The following FUBP1 variants were observed in gnomAD, a reference collection of about 807,000 sequenced individuals.
FUBP1 encodes the protein far upstream element binding protein 1.
A neutral mutation model predicts 94.9 loss-of-function variants in FUBP1; 16 were observed. That is an observed-to-expected ratio of 0.17 (90% confidence interval 0.11 to 0.26). FUBP1 has a LOEUF of 0.26. Among genes scored for constraint, FUBP1 ranks in the 10% least tolerant of loss-of-function variants. The pLI, the probability that FUBP1 is intolerant of heterozygous loss-of-function variation, is 1.00. For synonymous variants in FUBP1, 279 were observed against 254.9 expected (o/e 1.09, Z -0.90); for missense variants, 583 against 808.6 (o/e 0.72, Z 3.38).
At chr1:77,949,427 T>G in intron 18 of FUBP1, 127 bp from the exon 19 acceptor site, 1 of 696,014 alleles carries the variant, frequency 1.4e-6, no homozygotes, top group Admixed American at 3.0e-5. Flanking sequence ...GTGTTTGCCC[T>G]TGTTGACCAA....
chr1:77,961,717 T>G (rs968661385), intron 14 of FUBP1, among the ~76,000 whole-genome samples: 4 of 152,216 alleles, frequency 2.6e-5, no homozygotes, highest in African/African-American at 9.6e-5. Flanking sequence ...ATCTATCTTG[T>G]TTTTCCATGA....
intron 19 of FUBP1, 95 bp downstream of exon 19, chr1:77,949,060 A>C (rs919116401): frequency 7.3e-6 from 9 of 1,233,316 alleles, no homozygotes; most frequent in Admixed American, 2.0e-5. Context: ...TTGCCAGATA[A>C]AAATTTAAAA....
chr1:77,962,714 AT>A (rs974633365), intron 14 of FUBP1, 55 bp downstream of exon 14: 4 of 1,122,668 alleles, frequency 3.6e-6, no homozygotes, highest in East Asian at 2.4e-5. Flanking sequence ...AAACGTCTTA[AT>A]TTAACTACAG....
rs1652431233 is a variant in FUBP1, at chr1:77,947,639, A to G, written c.*1127T>C. On this transcript the variant is annotated 3_prime_UTR_variant, in exon 20 of 20. Coordinates refer to ENST00000370768, the MANE Select transcript of FUBP1 (RefSeq NM_003902.5). ...AGAGCCAACAAATATGCAAAGAGTA[A>G]AACAATGGATTTCAACAAAATATCA... is the stretch of plus-strand genomic sequence containing the variant. The G allele has an allele frequency of 5.3e-5, 44 of 832,884 alleles. No homozygotes were observed. The South Asian group carries it at 6.2e-4, about 12-fold the overall frequency. 51.6% of individuals were successfully genotyped at this position (832,884 alleles called of 1,614,324 possible). A position where few individuals can be genotyped will look rare whatever the true frequency, so the allele number is the denominator to read the frequency against.
rs1449528983 is a variant in FUBP1 at position 77,960,246 on chromosome 1, T to C, written c.1514A>G (p.Tyr505Cys). The change falls in exon 16 of 20, where the codon TAT becomes TGT. Residue 505 changes from tyrosine (Y) to cysteine (C), a missense_variant. Physicochemically the swap from Tyr to Cys is radical, Grantham distance 194. Coordinates refer to ENST00000370768, the MANE Select transcript of FUBP1 (RefSeq NM_003902.5). ...GPAPHGPPAP[Y>C]APQGWGNAYP... ...TGCATTTCCCCATCCCTGGGGAGCA[T>C]ATGGGGCTGGAGGACCACTGAAAAG... 2.5e-6 allele frequency: 4 copies of C among 1,612,482 alleles called. No individual in the cohort carries two copies. Among genetic ancestry groups the C allele is most frequent in the African/African-American group, 1.3e-5 (1 of 74,834 alleles).
At chr1:77,951,470 T>C (rs1221750499) in intron 18 of FUBP1, among the ~76,000 whole-genome samples, 3 of 152,202 alleles carry the variant, frequency 2.0e-5, no homozygotes, top group South Asian at 2.1e-4. Context: ...CAGTTGGAAG[T>C]AGAGAAAGAA....
At chr1:77,978,289 A>G (rs1016361020) in intron 1 of FUBP1, among the ~76,000 whole-genome samples, 1 of 152,246 alleles carries the variant, frequency 6.6e-6, no homozygotes, top group African/African-American at 2.4e-5. Flanking sequence ...CCTCTGGTAT[A>G]ATGGGCCTGA....
intron 7 of FUBP1, among the ~76,000 whole-genome samples, chr1:77,965,719 A>T (rs964722249): frequency 6.6e-6 from 1 of 152,250 alleles, no homozygotes; most frequent in Admixed American, 6.5e-5. Context: ...TAAAAATAAC[A>T]TGTCAAATGA....
In FUBP1 at chr1:77,956,693, T is replaced by C; in HGVS notation, c.1584A>G (p.Ala528=). The C allele has an allele frequency of 5.0e-6, 8 of 1,611,718 alleles. No individual in the cohort carries two copies. Among genetic ancestry groups the C allele is most frequent in the South Asian group, 1.1e-5 (1 of 90,976 alleles). The change falls in exon 17 of 20, where the codon GCA becomes GCG. Residue 528 remains alanine, a synonymous_variant. Coordinates refer to ENST00000370768, the MANE Select transcript of FUBP1 (RefSeq NM_003902.5). ...AAGCTGCTGAATTTGGATCCGTTCC[T>C]GCCTTAGCTAAAATAAATGAAAGTT... ...QQQAPPDPAK[A]GTDPNSAAWA...
rs964239033 is a variant in FUBP1, at chr1:77,967,618, T to A, written c.290+9A>T. On this transcript the variant is annotated intron_variant, in intron 4 of 19. Transcript: ENST00000370768. ...TGCAGAGTACTTTTTGAAAATCTTG[T>A]GACTATACCTTTGCTGCTGATGCAT... The A allele has an allele frequency of 7.6e-6, 12 of 1,588,196 alleles. No individual in the cohort carries two copies. Among genetic ancestry groups the A allele is most frequent in the Middle Eastern group, 1.7e-4 (1 of 6,002 alleles).
chr1:77,949,429 G>T, intron 18 of FUBP1, 129 bp from the exon 19 acceptor site: 4 of 648,996 alleles, frequency 6.2e-6, no homozygotes, highest in African/African-American at 1.9e-5. Flanking sequence ...GTTTGCCCTT[G>T]TTGACCAAAA....
At chr1:77,962,747 T>C (rs550409158) in intron 14 of FUBP1, 23 bp downstream of exon 14, 23 of 1,566,008 alleles carry the variant, frequency 1.5e-5, no homozygotes, top group Non-Finnish European at 1.8e-5. Flanking sequence ...ACACTAAAAA[T>C]TAAAAGTTTA....
In FUBP1 at chr1:77,945,279, T is replaced by C. The variant is rs1276244778; in HGVS notation, c.*3487A>G. Among the ~76,000 whole-genome samples the C allele has an allele frequency of 2.6e-5, 4 of 152,008 alleles. No individual in the cohort carries two copies. On this transcript the variant is annotated 3_prime_UTR_variant, in exon 20 of 20. Transcript: ENST00000370768. The stretch of plus-strand genomic sequence containing the variant: ...TCTCAAGTTTCAATGAGCCCCTTTA[T>C]ATTATCAATTGTACATACCTATCAT...
At chr1:77,961,539 T>C (rs1306209289) in intron 14 of FUBP1, among the ~76,000 whole-genome samples, 1 of 152,194 alleles carries the variant, frequency 6.6e-6, no homozygotes, top group Non-Finnish European at 1.5e-5. Flanking sequence ...CTCTATGAAG[T>C]AGATACCATT....
chr1:77,949,355 A>G, intron 18 of FUBP1, 55 bp from the exon 19 acceptor site: 1 of 1,408,248 alleles, frequency 7.1e-7, no homozygotes, highest in Non-Finnish European at 1.0e-6. Flanking sequence ...CCAACATCTC[A>G]TTTCTAATAA....
upstream of FUBP1, chr1:77,979,292 G>A (rs1024581036): frequency 2.8e-5 from 11 of 396,492 alleles, no homozygotes; most frequent in East Asian, 3.6e-4. Flanking sequence ...CGCGTTCTTG[G>A]GGTGAGGCTG....
chr1:77,978,014 CAT>C (rs1241147785), intron 1 of FUBP1, among the ~76,000 whole-genome samples: 1 of 152,222 alleles, frequency 6.6e-6, no homozygotes, highest in African/African-American at 2.4e-5. Context: ...GTACAATATG[CAT>C]AGTGTCACAG....
At position 77,948,668 on chromosome 1, in the gene FUBP1, C is replaced by G; in HGVS notation, c.*98G>C. The G allele has an allele frequency of 7.8e-7, 1 of 1,284,542 alleles. No individual in the cohort carries two copies. 79.6% of individuals were successfully genotyped at this position (1,284,542 alleles called of 1,614,324 possible). ...AGGAAACACTATTTTAAACCAAAAA[C>G]AAAATTAAGATCTTCATCAAGTCGT... On this transcript the variant is annotated 3_prime_UTR_variant, in exon 20 of 20. Coordinates refer to ENST00000370768, the MANE Select transcript of FUBP1 (RefSeq NM_003902.5).
intron 17 of FUBP1, 82 bp from the exon 18 acceptor site, chr1:77,955,411 G>A: frequency 1.3e-6 from 1 of 763,764 alleles, no homozygotes; most frequent in Non-Finnish European, 2.3e-6. Flanking sequence ...TGCAGGAGCT[G>A]GCAGGGGCCT....
Sources: allele counts gnomAD v4.1 joint callset (sites outside exome capture counted in the v4.1 genomes callset), GRCh38; gene constraint gnomAD v4.1.1; transcripts MANE v1.5; gene names NCBI Gene and HGNC (gene_info 2026-07-23, HGNC 2026-07-21).